The following SLC45A3 variants were observed in gnomAD, a reference collection of about 807,000 sequenced individuals.
SLC45A3 encodes the protein solute carrier family 45 member 3, also known as prostate cancer associated protein 2.
In SLC45A3, 17 loss-of-function variants were observed where a neutral mutation model predicts 35.3. That is an observed-to-expected ratio of 0.48 (90% confidence interval 0.33 to 0.72). SLC45A3 has a LOEUF of 0.72. SLC45A3 is among the 30% of genes least tolerant of loss of function. The pLI is 0.02. For synonymous variants in SLC45A3, 288 were observed against 334.3 expected (o/e 0.86, Z 1.51); for missense variants, 597 against 731.7 (o/e 0.82, Z 2.12).
chr1:205,662,101 C>T lies in SLC45A3; in HGVS notation c.984G>A (p.Leu328=), dbSNP rs1671035703. The part of the protein sequence containing the change: ...DEGVRMGSLG[L]FLQCAISLVF... Reference sequence around the variant, plus strand: ...CCAGGGAGATGGCGCACTGCAGGAACAGCCCCAGGCTGCCCATCCGAACGC... The same window carrying T: ...CCAGGGAGATGGCGCACTGCAGGAATAGCCCCAGGCTGCCCATCCGAACGC... The change falls in exon 4 of 5, where the codon CTG becomes CTA. Residue 328 remains leucine, a synonymous_variant. Transcript: ENST00000367145. The surrounding 1 kb of genome is among the most constrained non-coding windows in gnomAD (Gnocchi z 6.2). 3 of 1,613,626 alleles carry T rather than the reference C, an allele frequency of 1.9e-6. No homozygotes were observed. The highest frequency in any genetic ancestry group is 4.5e-5 in the East Asian group (2 of 44,898).
In SLC45A3 at chr1:205,659,290, A is replaced by G; in HGVS notation, c.1606T>C (p.Tyr536His). ...SAAGLGLVAIYFATQVVFDKS... is the reference protein window; with the variant it reads ...SAAGLGLVAIHFATQVVFDKS... ...TCAAATACTACCTGTGTAGCAAAGT[A>G]AATGGCGACCAGACCCAGGCCTGCG... The change falls in exon 5 of 5, where the codon TAC (tyrosine) becomes CAC (histidine). Residue 536 changes from tyrosine (Y) to histidine (H), a missense_variant. Physicochemically the swap from Tyr to His is moderately conservative, Grantham distance 83. Around this residue, in one of 3 missense-constraint regions of SLC45A3, gnomAD observed 555 missense variants for 664.9 expected, o/e 0.83. Transcript: ENST00000367145. This position sits in a 1 kb window ranked among gnomAD's most constrained non-coding sequence, Gnocchi z 5.8. The G allele has an allele frequency of 6.2e-7, 1 of 1,614,170 alleles. No homozygotes were observed. The highest frequency in any genetic ancestry group is 8.5e-7 in the Non-Finnish European group (1 of 1,180,008).
Position 205,662,402 on chromosome 1 carries a change from AG to A in SLC45A3, c.959-277del. On this transcript the variant is annotated intron_variant, in intron 3 of 4. Transcript: ENST00000367145. This position sits in a 1 kb window ranked among gnomAD's most constrained non-coding sequence, Gnocchi z 6.2. Reference sequence around the variant, plus strand: ...TCAGCTGTGAGGACAGGCGGGTGAGAGGGAACACAAAGACAGCTGGCCATAG... The same window carrying A: ...TCAGCTGTGAGGACAGGCGGGTGAGAGGAACACAAAGACAGCTGGCCATAG... 7.3e-7 allele frequency: 1 copy of A among 1,363,584 alleles called. No individual in the cohort carries two copies. Among genetic ancestry groups the A allele is most frequent in the Non-Finnish European group, 9.4e-7 (1 of 1,061,244 alleles). The allele number at this position is 1,363,584 out of a possible 1,614,324, so 84.5% of individuals were successfully genotyped here.
chr1:205,671,913 G>A (rs1036726274), intron 1 of SLC45A3, among the ~76,000 whole-genome samples: 7 of 151,850 alleles, frequency 4.6e-5, no homozygotes, highest in Admixed American at 1.3e-4. Context: ...AAAAGAAAAC[G>A]CACAATAGCA....
At position 205,664,599 on chromosome 1, in the gene SLC45A3, G is replaced by T. The variant is rs775318030; in HGVS notation, c.58C>A (p.Leu20Met). 2 of 1,614,282 alleles carry T rather than the reference G, an allele frequency of 1.2e-6. No individual in the cohort carries two copies. The highest frequency in any genetic ancestry group is 2.2e-5 in the South Asian group (2 of 91,092). The change falls in exon 2 of 5, where the codon CTG becomes ATG. Residue 20 changes from leucine to methionine, a missense_variant. By Grantham distance (15) the Leu-to-Met change is conservative (BLOSUM62 2). Transcript: ENST00000367145. This position sits in a 1 kb window ranked among gnomAD's most constrained non-coding sequence, Gnocchi z 5.3. ...LLRHRKAQLL[L>M]VNLLTFGLEV... ...AGGCCAAAGGTTAGCAGGTTGACCAGCAAGAGCTGGGCTTTCCGGTGCCGC... is the reference window on the plus strand; with the variant it reads ...AGGCCAAAGGTTAGCAGGTTGACCATCAAGAGCTGGGCTTTCCGGTGCCGC...
intron 1 of SLC45A3, among the ~76,000 whole-genome samples, chr1:205,671,178 G>A (rs1347260412): frequency 6.6e-6 from 1 of 152,204 alleles, no homozygotes; most frequent in Non-Finnish European, 1.5e-5. Context: ...AGTCAGTCCT[G>A]GACAGCCTAA....
Position 205,659,539 on chromosome 1 carries a change from G to A in SLC45A3, c.1357C>T (p.Leu453=), listed in dbSNP as rs1276829156. The change falls in exon 5 of 5, where the codon CTG becomes TTG. Residue 453 remains leucine (L), a synonymous_variant. Transcript: ENST00000367145. This position sits in a 1 kb window ranked among gnomAD's most constrained non-coding sequence, Gnocchi z 5.8. ...CAGAGCGCGGGTGGAGGTGGGAGCA[G>A]GCCACTGCCTCCAGCACCCACGTGT... The part of the protein sequence containing the change: ...NGHVGAGGSG[L]LPPPPALCGA... 2 of 1,608,468 alleles carry A rather than the reference G, an allele frequency of 1.2e-6. No individual in the cohort carries two copies. The highest frequency in any genetic ancestry group is 2.2e-5 in the South Asian group (2 of 90,070).
chr1:205,667,479 C>T (rs1671138891), intron 1 of SLC45A3, among the ~76,000 whole-genome samples: 1 of 151,992 alleles, frequency 6.6e-6, no homozygotes, highest in South Asian at 2.1e-4. Context: ...TGCACTCCAG[C>T]CCCATGACAG....
In SLC45A3 at chr1:205,664,271, G is replaced by T. The variant is rs1394685502; in HGVS notation, c.172+214C>A. Among the ~76,000 whole-genome samples the T allele has an allele frequency of 6.6e-6, 1 of 152,172 alleles. No homozygotes were observed. The highest frequency in any genetic ancestry group is 1.5e-5 in the Non-Finnish European group (1 of 68,022). ...TCTCCTATGAGCCAGGCTCTGTGCAGGACCAGGGATCCAGAGGTGACTGGG... is the reference window on the plus strand; with the variant it reads ...TCTCCTATGAGCCAGGCTCTGTGCATGACCAGGGATCCAGAGGTGACTGGG... On this transcript the variant is annotated intron_variant, in intron 2 of 4. Transcript: ENST00000367145. The surrounding 1 kb of genome is among the most constrained non-coding windows in gnomAD (Gnocchi z 5.3).
At chr1:205,663,725 A>G in intron 2 of SLC45A3, 107 bp from the exon 3 acceptor site, 2 of 1,128,826 alleles carry the variant, frequency 1.8e-6, no homozygotes, top group Non-Finnish European at 2.5e-6. Flanking sequence ...CGTACTCGAC[A>G]CTGTGCTACG....
rs770080261 is a variant in SLC45A3, at chr1:205,659,238, G to A, written c.1658C>T (p.Ala553Val). The change falls in exon 5 of 5, where the codon GCG becomes GTG. Residue 553 changes from alanine (A) to valine (V), a missense_variant. Physicochemically the swap from Ala to Val is moderately conservative, Grantham distance 64. Around this residue, in one of 3 missense-constraint regions of SLC45A3, gnomAD observed 555 missense variants for 664.9 expected, o/e 0.83. Transcript: ENST00000367145. This position sits in a 1 kb window ranked among gnomAD's most constrained non-coding sequence, Gnocchi z 5.8. ...CCCCAATGTGCTGGAAGTTTTCTACGCTGAGTATTTGGCCAAGTCGCTCTT... is the reference window on the plus strand; with the variant it reads ...CCCCAATGTGCTGGAAGTTTTCTACACTGAGTATTTGGCCAAGTCGCTCTT... ...FDKSDLAKYS[A>V] 6.8e-6 allele frequency: 11 copies of A among 1,607,432 alleles called. No individual in the cohort carries two copies. The highest frequency in any genetic ancestry group is 4.5e-5 in the East Asian group (2 of 44,830).
chr1:205,671,732 G>A (rs775004257), intron 1 of SLC45A3, among the ~76,000 whole-genome samples: 46 of 152,002 alleles, frequency 3.0e-4, no homozygotes, highest in Non-Finnish European at 4.1e-4. Flanking sequence ...CAGACATAGC[G>A]GCACATACCT....
chr1:205,675,814 C>T (rs1027916798), intron 1 of SLC45A3, among the ~76,000 whole-genome samples: 3 of 152,178 alleles, frequency 2.0e-5, no homozygotes, highest in African/African-American at 7.2e-5. Flanking sequence ...TCCTCCACAG[C>T]CCCCTGGAAA....
At chr1:205,674,562 G>A (rs1248591471) in intron 1 of SLC45A3, among the ~76,000 whole-genome samples, 4 of 141,582 alleles carry the variant, frequency 2.8e-5, no homozygotes, top group Non-Finnish European at 6.0e-5. Context: ...ACTCCAGCCT[G>A]GGCAACAGAG....
rs1159138209 is a variant in SLC45A3, at chr1:205,671,308, A to AG, written c.-230-6423dup. Among the ~76,000 whole-genome samples the AG allele has an allele frequency of 6.6e-5, 10 of 152,328 alleles. No homozygotes were observed. In the East Asian group the frequency reaches 1.9e-3, roughly 29 times the overall value. On this transcript the variant is annotated intron_variant, in intron 1 of 4. Transcript: ENST00000367145. Reference sequence around the variant, plus strand: ...GCCTCCCAATCACACTTAGTTTCTGAGAACAGCTGCAACCCAAGGTCACAC... The same window carrying AG: ...GCCTCCCAATCACACTTAGTTTCTGAGGAACAGCTGCAACCCAAGGTCACAC...
In SLC45A3 at chr1:205,664,757, G is replaced by T. The variant is rs553777077; in HGVS notation, c.-101C>A. The stretch of plus-strand genomic sequence containing the variant: ...GCTGCGGCCTCTCCTCCTTGCTGCC[G>T]CCAACTGCCTAGGAATCAGCCAGGC... On this transcript the variant is annotated 5_prime_UTR_variant, in exon 2 of 5. Transcript: ENST00000367145. This position sits in a 1 kb window ranked among gnomAD's most constrained non-coding sequence, Gnocchi z 5.3. The T allele has an allele frequency of 4.0e-6, 6 of 1,495,216 alleles. No individual in the cohort carries two copies. The East Asian group carries it at 1.4e-4, about 35-fold the overall frequency. 92.6% of individuals were successfully genotyped at this position (1,495,216 alleles called of 1,614,324 possible). A position where few individuals can be genotyped will look rare whatever the true frequency, so the allele number is the denominator to read the frequency against.
intron 1 of SLC45A3, among the ~76,000 whole-genome samples, chr1:205,679,932 C>T (rs1671375751): frequency 6.6e-6 from 1 of 152,034 alleles, no homozygotes; most frequent in Admixed American, 6.5e-5. Flanking sequence ...TGCCCCTTTC[C>T]GGTGAAGCCC....
At chr1:205,677,860 G>A (rs573760925) in intron 1 of SLC45A3, among the ~76,000 whole-genome samples, 11 of 152,156 alleles carry the variant, frequency 7.2e-5, no homozygotes, top group South Asian at 4.1e-4. Context: ...TATATATAAC[G>A]TAATTATATG....
At position 205,662,949 on chromosome 1, in the gene SLC45A3, C is replaced by G. The variant is rs771183745; in HGVS notation, c.842G>C (p.Ser281Thr). The stretch of plus-strand genomic sequence containing the variant: ...CGTGAAGGTCATGAGTGCCATCCAG[C>G]TGCACAGCTCAGCCACGAAGAGCCG... Reference protein sequence around the residue: ...LRRLFVAELCSWMALMTFTLF... With the variant: ...LRRLFVAELCTWMALMTFTLF... Residue 281 changes from serine to threonine, a missense_variant, in exon 3 of 5, where the codon AGC (serine) becomes ACC (threonine). This residue lies in a region of SLC45A3 where 555 missense variants were observed against 664.9 expected (regional missense o/e 0.83). Coordinates refer to ENST00000367145, the MANE Select transcript of SLC45A3 (RefSeq NM_033102.3). This position sits in a 1 kb window ranked among gnomAD's most constrained non-coding sequence, Gnocchi z 6.2. 1.7e-5 allele frequency: 27 copies of G among 1,613,576 alleles called. No individual in the cohort carries two copies. Among genetic ancestry groups the G allele is most frequent in the Non-Finnish European group, 2.2e-5 (26 of 1,180,022 alleles).
chr1:205,668,775 A>G (rs2102406597), intron 1 of SLC45A3, among the ~76,000 whole-genome samples: 1 of 152,216 alleles, frequency 6.6e-6, no homozygotes, highest in Admixed American at 6.5e-5. Context: ...AGTTCCAAAC[A>G]TCTCCCCTCC....
Sources: gnomAD v4.1 joint callset for allele counts (sites outside exome capture counted in the v4.1 genomes callset) on GRCh38, gnomAD v4.1.1 for gene constraint, gnomAD v4.1.1 regional missense constraint, Gnocchi (gnomAD v3.1) non-coding constraint, MANE v1.5 for transcripts, NCBI Gene and HGNC (gene_info 2026-07-23, HGNC 2026-07-21) for gene names.